Variants in PKN2 observed in about 807,000 individuals in gnomAD.
PKN2 encodes protein kinase N2, also known as serine/threonine-protein kinase N2.
Under a neutral mutation model 119.1 loss-of-function variants are expected in PKN2, and 38 were observed. That is an observed-to-expected ratio of 0.32 (90% CI 0.25 to 0.42). The LOEUF is 0.42. Among genes scored for constraint, PKN2 ranks in the 10% least tolerant of loss-of-function variants. The pLI is 1.00. For missense variants in PKN2, 850 were observed against 1,165.1 expected (o/e 0.73, Z 3.94); for synonymous variants, 390 against 384.9 (o/e 1.01, Z -0.15).
At chr1:88,797,328 C>CT (rs1358368253) in intron 8 of PKN2, among the ~76,000 whole-genome samples, 2 of 146,452 alleles carry the variant, frequency 1.4e-5, no homozygotes, top group Admixed American at 6.9e-5. Context: ...GAGCAAAACT[C>CT]TATCTTAAAA....
At chr1:88,773,637 G>T (rs1467659639) in intron 6 of PKN2, among the ~76,000 whole-genome samples, 1 of 152,116 alleles carries the variant, frequency 6.6e-6, no homozygotes, top group African/African-American at 2.4e-5. Context: ...CAGTTATCCA[G>T]ATGAGGTTGC....
intron 6 of PKN2, among the ~76,000 whole-genome samples, chr1:88,779,813 C>T (rs565568789): frequency 3.9e-5 from 6 of 152,300 alleles, no homozygotes; most frequent in African/African-American, 1.2e-4. Flanking sequence ...AGTTAAACTT[C>T]GCTGTTGCCA....
At chr1:88,713,394 C>G (rs755504713) in intron 1 of PKN2, among the ~76,000 whole-genome samples, 1 of 152,198 alleles carries the variant, frequency 6.6e-6, no homozygotes, top group Non-Finnish European at 1.5e-5. Context: ...CTCCCACCAA[C>G]AGTGTAAAAG....
At chr1:88,693,332 C>T (rs1408796035) in intron 1 of PKN2, among the ~76,000 whole-genome samples, 1 of 151,996 alleles carries the variant, frequency 6.6e-6, no homozygotes, top group African/African-American at 2.4e-5. Flanking sequence ...TTTACTAGTT[C>T]AGAAGTTTAC....
At chr1:88,758,705 A>G (rs1669316637) in intron 2 of PKN2, among the ~76,000 whole-genome samples, 1 of 152,108 alleles carries the variant, frequency 6.6e-6, no homozygotes, top group Non-Finnish European at 1.5e-5. Context: ...TGCAGAGGAC[A>G]TGATCTCTCT....
At position 88,693,520 on chromosome 1, in the gene PKN2, C is replaced by G. The variant is rs78421698; in HGVS notation, c.48+8892C>G. 6.3e-3 allele frequency among the ~76,000 whole-genome samples: 955 copies of G among 152,226 alleles called. 7 individuals are homozygous for G. The highest frequency in any genetic ancestry group is 0.021 in the African/African-American group (872 of 41,538). On this transcript the variant is annotated intron_variant, in intron 1 of 21. Transcript: ENST00000370521. ...TTATAATGAAACCAGTTTCTTTTTT[C>G]TCATCAGTGTTCTAAGGAAATGATA...
chr1:88,764,774 T>C (rs977881755), intron 3 of PKN2, among the ~76,000 whole-genome samples: 1 of 152,244 alleles, frequency 6.6e-6, no homozygotes, highest in African/African-American at 2.4e-5. Context: ...ATAAGTAGTA[T>C]AGCTTGCCAT....
At chr1:88,769,365 C>T (rs1669794507) in intron 3 of PKN2, among the ~76,000 whole-genome samples, 1 of 152,116 alleles carries the variant, frequency 6.6e-6, no homozygotes, top group Non-Finnish European at 1.5e-5. Flanking sequence ...AACACAATTG[C>T]TATCTGTGAT....
chr1:88,802,265 G>T (rs1281307074), intron 8 of PKN2, among the ~76,000 whole-genome samples: 1 of 152,112 alleles, frequency 6.6e-6, no homozygotes, highest in Non-Finnish European at 1.5e-5. Flanking sequence ...AGGAAAGCTA[G>T]CTTAAGGTCT....
At chr1:88,733,040 A>G (rs986822081) in intron 1 of PKN2, among the ~76,000 whole-genome samples, 2 of 152,196 alleles carry the variant, frequency 1.3e-5, no homozygotes, top group Non-Finnish European at 2.9e-5. Context: ...GTTAATGGGT[A>G]CAAAAAAGTT....
At chr1:88,691,384 A>G (rs919786369) in intron 1 of PKN2, among the ~76,000 whole-genome samples, 5 of 152,112 alleles carry the variant, frequency 3.3e-5, no homozygotes, top group African/African-American at 9.7e-5. Context: ...TATATTTTAC[A>G]CATTAATCAT....
rs770155105 is a variant in PKN2, at chr1:88,833,168, C to G, written c.2751+11C>G. 31 of 1,611,382 alleles carry G rather than the reference C, an allele frequency of 1.9e-5. No individual in the cohort carries two copies. In the South Asian group the frequency reaches 3.4e-4, roughly 18 times the overall value. On this transcript the variant is annotated intron_variant, in intron 21 of 21. Coordinates refer to ENST00000370521, the MANE Select transcript of PKN2 (RefSeq NM_006256.4). ...CACCCATTTTTCCGGGTAAGTGTGA[C>G]TATTTAAAATTTTTTATGAAACTAG...
At chr1:88,750,214 C>G (rs1668933033) in intron 2 of PKN2, among the ~76,000 whole-genome samples, 1 of 152,286 alleles carries the variant, frequency 6.6e-6, no homozygotes, top group Admixed American at 6.5e-5. Context: ...AAAATAAAGT[C>G]TGAGGAGGCT....
intron 2 of PKN2, 119 bp downstream of exon 2, chr1:88,741,407 T>G: frequency 1.6e-6 from 1 of 609,804 alleles, no homozygotes; most frequent in East Asian, 3.3e-5. Context: ...GTAGAGAGAC[T>G]TTTTCTCTTT....
chr1:88,796,911 G>C (rs1391224283), intron 8 of PKN2, among the ~76,000 whole-genome samples: 3 of 151,912 alleles, frequency 2.0e-5, no homozygotes, highest in Non-Finnish European at 4.4e-5. Context: ...AAACTGAAAA[G>C]GAGGTTTGCT....
At chr1:88,748,223 A>G (rs1042915796) in intron 2 of PKN2, among the ~76,000 whole-genome samples, 4 of 152,114 alleles carry the variant, frequency 2.6e-5, no homozygotes, top group Middle Eastern at 3.2e-3. Flanking sequence ...TGCCCTATAC[A>G]TCTCCCTCAT....
At chr1:88,819,086 AACCTAGGCAGT>A (rs1481395968) in intron 16 of PKN2, among the ~76,000 whole-genome samples, 36 of 151,966 alleles carry the variant, frequency 2.4e-4, no homozygotes, top group African/African-American at 8.7e-4. Context: ...CCTAGAAGAA[AACCTAGGCAGT>A]ACCATTCAGG....
intron 2 of PKN2, among the ~76,000 whole-genome samples, chr1:88,752,002 A>ACAC (rs1230923106): frequency 6.6e-6 from 1 of 152,150 alleles, no homozygotes; most frequent in Non-Finnish European, 1.5e-5. Flanking sequence ...GACTTGGAGT[A>ACAC]TAATGGCGTA....
intron 8 of PKN2, among the ~76,000 whole-genome samples, chr1:88,789,843 T>C (rs957271388): frequency 1.3e-5 from 2 of 152,088 alleles, no homozygotes; most frequent in Admixed American, 6.6e-5. Context: ...CAAATAATTA[T>C]GTTAAATCAG....
Sources: gnomAD v4.1 joint callset for allele counts (sites outside exome capture counted in the v4.1 genomes callset) on GRCh38, gnomAD v4.1.1 for gene constraint, MANE v1.5 for transcripts, NCBI Gene and HGNC (gene_info 2026-07-23, HGNC 2026-07-21) for gene names.